PFKL: variants seen among roughly 807,000 people sequenced by gnomAD.
PFKL encodes the protein phosphofructokinase, liver type.
In PFKL, 74 loss-of-function variants were observed where a neutral mutation model predicts 92.1. The observed-to-expected ratio is 0.80, with a 90% CI of 0.67 to 0.97. The LOEUF (loss-of-function observed/expected upper bound fraction) is 0.97. Ranked by LOEUF, PFKL falls within the 50% of genes least tolerant of loss-of-function variation. PFKL has a pLI of 0.00. For missense variants in PFKL, 1,028 were observed against 1,116.6 expected (o/e 0.92, Z 1.13); for synonymous variants, 494 against 456.4 (o/e 1.08, Z -1.05).
Position 44,313,039 on chromosome 21 carries a change from C to T in PFKL, c.489C>T (p.Gly163=). Residue 163 remains glycine (G), a synonymous_variant, in exon 5 of 22, where the codon GGC becomes GGT. Transcript: ENST00000349048. ...ACCTGAACATCGCGGGCCTAGTGGG[C>T]TCCATCGATAACGACTTCTGCGGCA... ...YSHLNIAGLV[G]SIDNDFCGTD... 9 of 1,613,206 alleles carry T rather than the reference C, an allele frequency of 5.6e-6. No homozygotes were observed. The highest frequency in any genetic ancestry group is 1.1e-5 in the South Asian group (1 of 91,086).
chr21:44,326,752 C>T lies in PFKL; in HGVS notation c.2233C>T (p.Arg745Trp), dbSNP rs781056332. 6.2e-6 allele frequency: 10 copies of T among 1,610,852 alleles called. No homozygotes were observed. The South Asian group carries it at 7.7e-5, about 12-fold the overall frequency. Reference sequence around the variant, plus strand: ...ACGGGAGCAGTGGTGGCTGAGCCTGCGGCTCATGCTGAAGATGCTGGCACA... The same window carrying T: ...ACGGGAGCAGTGGTGGCTGAGCCTGTGGCTCATGCTGAAGATGCTGGCACA... Reference protein sequence around the residue: ...MPREQWWLSLRLMLKMLAQYR... With the variant: ...MPREQWWLSLWLMLKMLAQYR... Residue 745 changes from arginine (R) to tryptophan (W), a missense_variant, in exon 22 of 22, where the codon CGG becomes TGG. Arg to Trp is a moderately radical substitution (Grantham distance 101, BLOSUM62 -3). Coordinates refer to ENST00000349048, the MANE Select transcript of PFKL (RefSeq NM_002626.6).
intron 2 of PFKL, among the ~76,000 whole-genome samples, chr21:44,308,773 C>G (rs978514026): frequency 3.3e-5 from 5 of 151,872 alleles, no homozygotes; most frequent in African/African-American, 7.3e-5. Flanking sequence ...TGTTGGCCAG[C>G]CTGGTCTCGA....
chr21:44,325,299 C>T (rs752417813), intron 19 of PFKL, 35 bp downstream of exon 19: 36 of 1,369,856 alleles, frequency 2.6e-5, no homozygotes, highest in Admixed American at 8.4e-5. Flanking sequence ...AGAGGCCTGC[C>T]CCTCTTTCCT....
rs2047443730 is a variant in PFKL at position 44,324,493 on chromosome 21, C to A, written c.1653C>A (p.Ser551Arg). The change falls in exon 17 of 22, where the codon AGC becomes AGA. Residue 551 changes from serine (S) to arginine (R), a missense_variant and splice_region_variant. Ser to Arg is a moderately radical substitution (Grantham distance 110). Transcript: ENST00000349048. ...CCCGACCCCCCCTTGTCCCCCAGAGCTGTGACCGCATCAAACAGTCTGCCT... is the reference window on the plus strand; with the variant it reads ...CCCGACCCCCCCTTGTCCCCCAGAGATGTGACCGCATCAAACAGTCTGCCT... Reference protein sequence around the residue: ...SDTAVNAAMESCDRIKQSASG... With the variant: ...SDTAVNAAMERCDRIKQSASG... 1 of 1,613,094 alleles carries A rather than the reference C, an allele frequency of 6.2e-7. No homozygotes were observed. The highest frequency in any genetic ancestry group is 8.5e-7 in the Non-Finnish European group (1 of 1,179,832).
At chr21:44,311,144 A>G in intron 3 of PFKL, 61 bp downstream of exon 3, 8 of 1,296,848 alleles carry the variant, frequency 6.2e-6, no homozygotes, top group Non-Finnish European at 7.7e-6. Context: ...ACACAGAGAC[A>G]GACCTGCACA....
rs756870162 is a variant in PFKL, at chr21:44,312,996, C to T, written c.446C>T (p.Thr149Ile). The T allele has an allele frequency of 7.4e-6, 12 of 1,612,886 alleles. No homozygotes were observed. The Admixed American group carries it at 8.3e-5, about 11-fold the overall frequency. The change falls in exon 5 of 22, where the codon ACA (threonine) becomes ATA (isoleucine). Residue 149 changes from threonine to isoleucine, a missense_variant. Thr to Ile is a moderately conservative substitution (Grantham distance 89, BLOSUM62 -1). Coordinates refer to ENST00000349048, the MANE Select transcript of PFKL (RefSeq NM_002626.6). ...GGCCCAGGTAAGATCTCAGAGACTA[C>T]AGCCCGGACCTACTCGCACCTGAAC... ...LVAEGKISET[T>I]ARTYSHLNIA... is the part of the protein sequence containing the mutation.
At position 44,316,545 on chromosome 21, in the gene PFKL, C is replaced by T. The variant is rs147352928; in HGVS notation, c.936+21C>T. 610 of 1,562,444 alleles carry T rather than the reference C, an allele frequency of 3.9e-4. No individual in the cohort carries two copies. In the African/African-American group the frequency reaches 5.9e-3, roughly 15 times the overall value. The stretch of plus-strand genomic sequence containing the variant: ...TCCTGGTAAGTGGCCATCACCCTGC[C>T]CTGCGTACGTGCGTGGGTAAGCGTG... On this transcript the variant is annotated intron_variant, in intron 9 of 21. Transcript: ENST00000349048.
intron 9 of PFKL, among the ~76,000 whole-genome samples, chr21:44,316,989 G>T (rs1364221313): frequency 6.6e-6 from 1 of 152,214 alleles, no homozygotes; most frequent in Non-Finnish European, 1.5e-5. Context: ...GGCAGAGGGT[G>T]GTGCCCATGG....
chr21:44,326,404 C>T lies in PFKL; in HGVS notation c.2195+140C>T, dbSNP rs147261343. The T allele has an allele frequency of 7.8e-4, 547 of 704,230 alleles. 1 individual carries two copies. The African/African-American group carries it at 8.3e-3, about 11-fold the overall frequency. The allele number at this position is 704,230 out of a possible 1,614,324, so 43.6% of individuals were successfully genotyped here. On this transcript the variant is annotated intron_variant, in intron 21 of 21. Transcript: ENST00000349048. ...CTGGGCCCCCATGCCCAGGTCCCCG[C>T]CAGGCCGTGGAGAGCAGGGACCATG...
At chr21:44,322,739 G>C (rs955867049) in intron 14 of PFKL, among the ~76,000 whole-genome samples, 6 of 152,210 alleles carry the variant, frequency 3.9e-5, no homozygotes, top group African/African-American at 1.4e-4. Flanking sequence ...GGGTTCACTC[G>C]GTTGCCTGGC....
rs950881751 is a variant in PFKL at position 44,323,011 on chromosome 21, T to C, written c.1459T>C (p.Tyr487His). 1.9e-6 allele frequency: 3 copies of C among 1,613,058 alleles called. No homozygotes were observed. Among genetic ancestry groups the C allele is most frequent in the Non-Finnish European group, 2.5e-6 (3 of 1,179,668 alleles). Residue 487 changes from tyrosine (Y) to histidine (H), a missense_variant, in exon 15 of 22, where the codon TAT becomes CAT. Tyr to His is a moderately conservative substitution (Grantham distance 83). Transcript: ENST00000349048. ...LESIVENIRI[Y>H]GIHALLVVGG... ...GTCCATTGTGGAGAACATCCGCATC[T>C]ATGGTATTCACGCCCTGCTGGTGGT...
chr21:44,319,527 C>T (rs569088687), intron 11 of PFKL, 112 bp downstream of exon 11: 41 of 925,592 alleles, frequency 4.4e-5, no homozygotes, highest in African/African-American at 1.9e-4. Flanking sequence ...TTCTAGGCAC[C>T]GCGTCTGAAG....
At chr21:44,321,911 G>A (rs2047365641) in intron 13 of PFKL, 36 bp downstream of exon 13, 1 of 1,514,236 alleles carries the variant, frequency 6.6e-7, no homozygotes, top group Non-Finnish European at 8.9e-7. Context: ...GAGGACTTGG[G>A]CCTTCTGTGT....
intron 9 of PFKL, among the ~76,000 whole-genome samples, chr21:44,318,136 C>T (rs532615602): frequency 2.3e-3 from 343 of 152,370 alleles, no homozygotes; most frequent in Non-Finnish European, 3.7e-3. Flanking sequence ...TCCATCGCAG[C>T]GGATGGGGCC....
chr21:44,312,268 G>T lies in PFKL; in HGVS notation c.401G>T (p.Ser134Ile), dbSNP rs144255548. ...AACATCTTCCGCAGCGAGTGGGGCA[G>T]CCTGCTGGAGGAGCTGGTGGCGGAA... Reference protein sequence around the residue: ...GANIFRSEWGSLLEELVAEGK... With the variant: ...GANIFRSEWGILLEELVAEGK... Residue 134 changes from serine (S) to isoleucine (I), a missense_variant, in exon 4 of 22, where the codon AGC becomes ATC. By Grantham distance (142) the Ser-to-Ile change is moderately radical. Coordinates refer to ENST00000349048, the MANE Select transcript of PFKL (RefSeq NM_002626.6). 1 of 1,595,860 alleles carries T rather than the reference G, an allele frequency of 6.3e-7. No homozygotes were observed. Among genetic ancestry groups the T allele is most frequent in the Non-Finnish European group, 8.5e-7 (1 of 1,172,776 alleles).
intron 8 of PFKL, 33 bp downstream of exon 8, chr21:44,316,372 C>T (rs773422888): frequency 9.9e-6 from 16 of 1,611,328 alleles, no homozygotes; most frequent in Non-Finnish European, 1.3e-5. Context: ...CCACTGGGCA[C>T]CTGCTCCTCT....
rs758830441 is a variant in PFKL at position 44,319,365 on chromosome 21, G to A, written c.1077G>A (p.Gln359=). Residue 359 remains glutamine, a synonymous_variant, in exon 11 of 22, where the codon CAG becomes CAA. Transcript: ENST00000349048. ...TCTTCCTTAAGACCAAGGAAGTGCA[G>A]AAAGCCATGGATGACAAGAGGTTTG... ...MECVQMTKEV[Q]KAMDDKRFDE... 6.2e-7 allele frequency: 1 copy of A among 1,613,772 alleles called. No individual in the cohort carries two copies. The highest frequency in any genetic ancestry group is 8.5e-7 in the Non-Finnish European group (1 of 1,179,866).
rs1278328789 is a variant in PFKL at position 44,300,081 on chromosome 21, C to T, written c.-25C>T. On this transcript the variant is annotated 5_prime_UTR_variant, in exon 1 of 22. Coordinates refer to ENST00000349048, the MANE Select transcript of PFKL (RefSeq NM_002626.6). ...GCGGCGCAGGCGGCGGGAGTGCGAG[C>T]TGGGCCCGTGTTTCGGCCGCCGCCA... The T allele has an allele frequency of 1.0e-5, 11 of 1,089,286 alleles. No homozygotes were observed. The East Asian group carries it at 8.0e-4, about 79-fold the overall frequency. The allele number at this position is 1,089,286 out of a possible 1,614,324, so 67.5% of individuals were successfully genotyped here. A position where few individuals can be genotyped will look rare whatever the true frequency, so the allele number is the denominator to read the frequency against.
Position 44,313,635 on chromosome 21 carries a change from C to G in PFKL, c.594-3C>G. 1 of 1,611,756 alleles carries G rather than the reference C, an allele frequency of 6.2e-7. No homozygotes were observed. Among genetic ancestry groups the G allele is most frequent in the Non-Finnish European group, 8.5e-7 (1 of 1,179,464 alleles). On this transcript the variant is annotated splice_region_variant and splice_polypyrimidine_tract_variant and intron_variant, in intron 5 of 21. Coordinates refer to ENST00000349048, the MANE Select transcript of PFKL (RefSeq NM_002626.6). ...GATGCATCCTCCTGTTCCATCTCCA[C>G]AGCCACCAGAGGACCTTCGTGCTGG...
Sources: allele counts gnomAD v4.1 joint callset (sites outside exome capture counted in the v4.1 genomes callset), GRCh38; gene constraint gnomAD v4.1.1; transcripts MANE v1.5; gene names NCBI Gene and HGNC (gene_info 2026-07-23, HGNC 2026-07-21).